Variants in PBX1 observed in about 807,000 individuals in gnomAD.
The protein encoded by PBX1 is PBX homeobox 1.
In PBX1, 6 loss-of-function variants were observed where a neutral mutation model predicts 53.4. That is an observed-to-expected ratio of 0.11 (90% confidence interval 0.06 to 0.22). The LOEUF (loss-of-function observed/expected upper bound fraction) is 0.22, where lower values mean the gene tolerates loss of function less well. Among genes scored for constraint, PBX1 ranks in the 10% least tolerant of loss-of-function variants. PBX1 has a pLI of 1.00. For missense variants in PBX1, 251 were observed against 551.4 expected, an observed-to-expected ratio of 0.46 and a Z score of 5.46; for synonymous variants, 204 against 212.3, an observed-to-expected ratio of 0.96 and a Z score of 0.34.
intron 1 of PBX1, 159 bp from the exon 2 acceptor site, chr1:164,563,079 G>T (rs1653178861): frequency 4.5e-6 from 2 of 449,086 alleles, no homozygotes; most frequent in East Asian, 7.0e-5. Context: ...TCTATGGCGG[G>T]ACTCTGTATA....
chr1:164,715,718 G>C (rs1052871240), intron 2 of PBX1, among the ~76,000 whole-genome samples: 3 of 152,190 alleles, frequency 2.0e-5, no homozygotes, highest in Admixed American at 6.5e-5. Context: ...CTGGATGACT[G>C]TTCTCTTCTA....
intron 2 of PBX1, among the ~76,000 whole-genome samples, chr1:164,873,730 A>G (rs1672434348): frequency 6.6e-6 from 1 of 152,228 alleles, no homozygotes; most frequent in African/African-American, 2.4e-5. Context: ...CCAGTTAATT[A>G]TAGATCAATC....
chr1:164,803,311 C>A (rs1018207061), intron 4 of PBX1, among the ~76,000 whole-genome samples: 2 of 152,196 alleles, frequency 1.3e-5, no homozygotes, highest in African/African-American at 4.8e-5. Context: ...CCTACTCCAC[C>A]TGAAGGAAAT....
At chr1:164,821,503 C>T (rs1670151951) in intron 7 of PBX1, 34 bp from the exon 8 acceptor site, 1 of 1,545,862 alleles carries the variant, frequency 6.5e-7, no homozygotes, top group Admixed American at 1.7e-5. Flanking sequence ...ACCTCTCTGA[C>T]TAATTTTCTC....
intron 1 of PBX1, 65 bp downstream of exon 1, chr1:164,560,078 A>G: frequency 8.6e-7 from 1 of 1,165,358 alleles, no homozygotes; most frequent in Non-Finnish European, 1.1e-6. Flanking sequence ...TGCAGGGGGA[A>G]ACAATGGGAA....
At chr1:164,776,780 G>A (rs1234628294) in intron 2 of PBX1, among the ~76,000 whole-genome samples, 2 of 152,122 alleles carry the variant, frequency 1.3e-5, no homozygotes, top group Non-Finnish European at 1.5e-5. Context: ...TTAATTTCAA[G>A]AGGTTAATGA....
chr1:164,847,613 T>C lies in PBX1; in HGVS notation c.*937T>C. 9.4e-7 allele frequency: 1 copy of C among 1,062,254 alleles called. No individual in the cohort carries two copies. The highest frequency in any genetic ancestry group is 1.1e-6 in the Non-Finnish European group (1 of 877,326). 65.8% of individuals were successfully genotyped at this position (1,062,254 alleles called of 1,614,324 possible). On this transcript the variant is annotated 3_prime_UTR_variant, in exon 9 of 9. Transcript: ENST00000420696. ...AAACCCTTCAACCTCAACTATGCCT[T>C]CATAGACACACACGTTCATGCACAT...
intron 8 of PBX1, among the ~76,000 whole-genome samples, chr1:164,841,265 G>T (rs998989759): frequency 1.1e-4 from 16 of 152,264 alleles, no homozygotes; most frequent in African/African-American, 3.9e-4. Context: ...GTAATTGGAG[G>T]AGTGAGGGCA....
intron 2 of PBX1, among the ~76,000 whole-genome samples, chr1:164,584,773 AGGTGAGGGGGC>A (rs1654841900): frequency 6.6e-6 from 1 of 152,096 alleles, no homozygotes; most frequent in African/African-American, 2.4e-5. Flanking sequence ...GGAGAGGCGG[AGGTGAGGGGGC>A]AGCTGCTTCT....
chr1:164,634,718 G>A (rs1658632117), intron 2 of PBX1, among the ~76,000 whole-genome samples: 1 of 152,182 alleles, frequency 6.6e-6, no homozygotes, highest in Non-Finnish European at 1.5e-5. Flanking sequence ...ATTGGGCAAG[G>A]TCAGGACTCC....
intron 2 of PBX1, among the ~76,000 whole-genome samples, chr1:164,743,194 A>T (rs1665708247): frequency 6.6e-6 from 1 of 152,214 alleles, no homozygotes. Flanking sequence ...GATGGCCATG[A>T]TAATAGTAAT....
chr1:164,747,423 A>T (rs566143464), intron 2 of PBX1, among the ~76,000 whole-genome samples: 129 of 152,218 alleles, frequency 8.5e-4, no homozygotes, highest in Non-Finnish European at 1.7e-3. Flanking sequence ...ACAGAAGATA[A>T]CTTTGGTCAT....
intron 2 of PBX1, among the ~76,000 whole-genome samples, chr1:164,750,657 A>G (rs1005408708): frequency 2.2e-4 from 33 of 152,180 alleles, no homozygotes; most frequent in Admixed American, 3.9e-4. Context: ...GAGGCTTGGG[A>G]AAAATGTTCA....
chr1:164,727,515 G>A (rs1664761474), intron 2 of PBX1, among the ~76,000 whole-genome samples: 1 of 152,166 alleles, frequency 6.6e-6, no homozygotes, highest in Non-Finnish European at 1.5e-5. Context: ...TCATCCACTT[G>A]CCAGGTAGCA....
At chr1:164,829,615 G>A (rs1670651437) in intron 8 of PBX1, 1 of 152,044 alleles carries the variant, frequency 6.6e-6, no homozygotes, top group African/African-American at 2.4e-5. Context: ...CACACACTGG[G>A]GCCTGTTGAG....
At chr1:164,701,720 C>T (rs1176431384) in intron 2 of PBX1, among the ~76,000 whole-genome samples, 3 of 152,192 alleles carry the variant, frequency 2.0e-5, no homozygotes, top group Non-Finnish European at 4.4e-5. Flanking sequence ...ACTTCATCAG[C>T]ACATGGGTCC....
At chr1:164,624,140 G>A (rs143385911) in intron 2 of PBX1, among the ~76,000 whole-genome samples, 2 of 152,258 alleles carry the variant, frequency 1.3e-5, no homozygotes, top group African/African-American at 4.8e-5. Context: ...ATTTACTGAT[G>A]TTTTTTAAGC....
chr1:164,631,660 T>G (rs555972229), intron 2 of PBX1, among the ~76,000 whole-genome samples: 6 of 152,316 alleles, frequency 3.9e-5, no homozygotes, highest in African/African-American at 1.4e-4. Flanking sequence ...CAATAGATAA[T>G]ATATAAACAA....
At position 164,575,198 on chromosome 1, in the gene PBX1, G is replaced by T. The variant is rs114921565; in HGVS notation, c.265+11887G>T. Among the ~76,000 whole-genome samples, 492 of 152,316 alleles carry T rather than the reference G, an allele frequency of 3.2e-3. 7 individuals are homozygous for T. Among genetic ancestry groups the T allele is most frequent in the African/African-American group, 0.01 (427 of 41,572 alleles). On this transcript the variant is annotated intron_variant, in intron 2 of 8. Transcript: ENST00000420696. ...TACCTTCTTGAGTTCATATGGTAGA[G>T]CCCAGGAATTTAGGAAAGGAGTCTG...
Sources: gnomAD v4.1 joint callset for allele counts (sites outside exome capture counted in the v4.1 genomes callset) on GRCh38, gnomAD v4.1.1 for gene constraint, MANE v1.5 for transcripts, NCBI Gene and HGNC (gene_info 2026-07-23, HGNC 2026-07-21) for gene names.